The following VPS13B variants were observed in gnomAD, a reference collection of about 807,000 sequenced individuals.
VPS13B encodes the protein intermembrane lipid transfer protein VPS13B.
A neutral mutation model predicts 426.4 loss-of-function variants in VPS13B; 285 were observed. The observed-to-expected ratio is 0.67, with a 90% CI of 0.61 to 0.74. The LOEUF (loss-of-function observed/expected upper bound fraction) is 0.74. Among genes scored for constraint, VPS13B ranks in the 30% least tolerant of loss-of-function variants. The pLI is 0.00. For missense variants in VPS13B, 4,537 were observed against 4,782.6 expected, an observed-to-expected ratio of 0.95 and a Z score of 1.51; for synonymous variants, 1,676 against 1,676.4, an observed-to-expected ratio of 1.00 and a Z score of 0.01.
chr8:99,173,868 C>T (rs576947103), intron 16 of VPS13B, among the ~76,000 whole-genome samples: 4 of 152,304 alleles, frequency 2.6e-5, no homozygotes, highest in African/African-American at 9.6e-5. Flanking sequence ...TGATCCTCTC[C>T]TTCTTGATTC....
intron 19 of VPS13B, among the ~76,000 whole-genome samples, chr8:99,336,084 G>A (rs1168161240): frequency 1.3e-5 from 2 of 152,128 alleles, no homozygotes; most frequent in Non-Finnish European, 2.9e-5. Context: ...GAACAAAGCA[G>A]GAGGCATCAT....
intron 24 of VPS13B, among the ~76,000 whole-genome samples, chr8:99,470,187 G>T (rs1167530698): frequency 6.6e-6 from 1 of 152,154 alleles, no homozygotes; most frequent in Non-Finnish European, 1.5e-5. Flanking sequence ...CACAGAAGTT[G>T]TTAAAAAGGA....
intron 3 of VPS13B, among the ~76,000 whole-genome samples, chr8:99,070,012 C>T (rs953851277): frequency 3.9e-5 from 6 of 152,152 alleles, no homozygotes; most frequent in Non-Finnish European, 5.9e-5. Flanking sequence ...CAAGTGATTC[C>T]CCCCGCCACG....
At chr8:99,053,658 A>G (rs965853507) in intron 3 of VPS13B, among the ~76,000 whole-genome samples, 116 of 149,002 alleles carry the variant, frequency 7.8e-4, no homozygotes, top group African/African-American at 2.7e-3. Flanking sequence ...GCATATGACA[A>G]GGTTCCTTTT....
chr8:99,256,594 G>A (rs1475993251), intron 17 of VPS13B, among the ~76,000 whole-genome samples: 2 of 152,052 alleles, frequency 1.3e-5, no homozygotes, highest in African/African-American at 4.8e-5. Flanking sequence ...ATCCTAATGG[G>A]TATGAAGTAG....
chr8:99,457,141 C>G (rs966498723), intron 23 of VPS13B, among the ~76,000 whole-genome samples: 4 of 151,786 alleles, frequency 2.6e-5, no homozygotes, highest in Admixed American at 2.6e-4. Flanking sequence ...AAGCCATTCT[C>G]CCGCCTCAGC....
chr8:99,572,603 T>C (rs868300702), intron 31 of VPS13B, among the ~76,000 whole-genome samples: 5 of 152,332 alleles, frequency 3.3e-5, no homozygotes, highest in Middle Eastern at 6.8e-3. Flanking sequence ...GGTTTCCAGC[T>C]TCATCCATGT....
At chr8:99,572,626 C>A (rs1260627801) in intron 31 of VPS13B, among the ~76,000 whole-genome samples, 1 of 152,166 alleles carries the variant, frequency 6.6e-6, no homozygotes, top group Non-Finnish European at 1.5e-5. Flanking sequence ...CTACAAAGGA[C>A]GTGAACTCAT....
At chr8:99,396,116 T>C (rs796868637) in intron 21 of VPS13B, among the ~76,000 whole-genome samples, 2 of 152,150 alleles carry the variant, frequency 1.3e-5, no homozygotes, top group South Asian at 4.1e-4. Context: ...TAATTAATTA[T>C]GGTTGTGAGG....
intron 36 of VPS13B, among the ~76,000 whole-genome samples, chr8:99,702,090 A>G (rs946667933): frequency 6.6e-6 from 1 of 152,148 alleles, no homozygotes; most frequent in Non-Finnish European, 1.5e-5. Context: ...ACATGCAAAC[A>G]TATATTCAAA....
intron 17 of VPS13B, among the ~76,000 whole-genome samples, chr8:99,201,132 C>T (rs573887244): frequency 6.6e-6 from 1 of 151,814 alleles, no homozygotes; most frequent in African/African-American, 2.4e-5. Flanking sequence ...TTGTTTTCTC[C>T]ATGCCTGTTC....
chr8:99,330,903 G>GT (rs1810510219), intron 19 of VPS13B, among the ~76,000 whole-genome samples: 1 of 151,690 alleles, frequency 6.6e-6, no homozygotes, highest in Non-Finnish European at 1.5e-5. Context: ...TTTAGGGTTA[G>GT]TTTTTTATTG....
In VPS13B at chr8:99,054,784, T is replaced by C. The variant is rs1843743941; in HGVS notation, c.291+16218T>C. 2.0e-5 allele frequency among the ~76,000 whole-genome samples: 3 copies of C among 152,212 alleles called. No homozygotes were observed. In the South Asian group the frequency reaches 6.2e-4, roughly 32 times the overall value. On this transcript the variant is annotated intron_variant, in intron 3 of 61. Coordinates refer to ENST00000357162, the MANE Select transcript of VPS13B (RefSeq NM_152564.5). Reference sequence around the variant, plus strand: ...ATGATATGTTGTATATGGGTTCAACTTCATTCTATGGTTATTTGGTGGTCC... The same window carrying C: ...ATGATATGTTGTATATGGGTTCAACCTCATTCTATGGTTATTTGGTGGTCC...
intron 39 of VPS13B, among the ~76,000 whole-genome samples, chr8:99,729,542 C>T (rs1324186297): frequency 6.6e-6 from 1 of 152,194 alleles, no homozygotes; most frequent in Admixed American, 6.5e-5. Flanking sequence ...TTGACTAGTG[C>T]TTGCTTTTTA....
rs373961820 is a variant in VPS13B, at chr8:99,818,713, A to G, written c.8446A>G (p.Ile2816Val). ...EPNSQVQQRM[I>V]VFSPLFIMRS... ...TTGTTCTATCCTTTTATTTTTATAG[A>G]TTGTGTTCAGCCCTCTTTTTATCAT... is the stretch of plus-strand genomic sequence containing the variant. The change falls in exon 47 of 62, where the codon ATT becomes GTT. Residue 2816 changes from isoleucine (I) to valine (V), a missense_variant and splice_region_variant. Coordinates refer to ENST00000357162, the MANE Select transcript of VPS13B (RefSeq NM_152564.5). 5 of 1,613,758 alleles carry G rather than the reference A, an allele frequency of 3.1e-6. No individual in the cohort carries two copies. Among genetic ancestry groups the G allele is most frequent in the South Asian group, 1.1e-5 (1 of 91,076 alleles).
intron 35 of VPS13B, among the ~76,000 whole-genome samples, chr8:99,687,807 T>C (rs74826583): frequency 0.025 from 3,835 of 152,182 alleles, 220 homozygotes; most frequent in African/African-American, 0.088. Flanking sequence ...GGTGATTGCT[T>C]ACCTGACTTT....
intron 3 of VPS13B, among the ~76,000 whole-genome samples, chr8:99,053,995 C>T (rs754902567): frequency 3.3e-5 from 5 of 152,174 alleles, no homozygotes; most frequent in Non-Finnish European, 2.9e-5. Flanking sequence ...TGAGCCACCA[C>T]GCCCAGCCCA....
chr8:99,788,699 A>G (rs1265236426), intron 43 of VPS13B, among the ~76,000 whole-genome samples: 1 of 152,164 alleles, frequency 6.6e-6, no homozygotes, highest in African/African-American at 2.4e-5. Flanking sequence ...AATTTCATAT[A>G]ATTTTCAAAC....
At chr8:99,497,500 C>A (rs1435511269) in intron 25 of VPS13B, among the ~76,000 whole-genome samples, 1 of 151,394 alleles carries the variant, frequency 6.6e-6, no homozygotes, top group African/African-American at 2.4e-5. Flanking sequence ...CAAAGTGTGA[C>A]AAGCATTGTT....
Sources: allele counts gnomAD v4.1 joint callset (sites outside exome capture counted in the v4.1 genomes callset), GRCh38; gene constraint gnomAD v4.1.1; transcripts MANE v1.5; gene names NCBI Gene and HGNC (gene_info 2026-07-23, HGNC 2026-07-21).